Variants in LAMA4 observed in about 807,000 individuals in gnomAD.
LAMA4 encodes laminin subunit alpha 4, also known as laminin subunit alpha-4.
LAMA4 carries 127 observed loss-of-function variants against 207.1 expected under a neutral mutation model. The ratio of observed to expected loss-of-function variants is 0.61; its 90% CI spans 0.53 to 0.71. LAMA4 has a LOEUF of 0.71. Ranked by LOEUF, LAMA4 falls within the 30% of genes least tolerant of loss-of-function variation. The pLI is 0.00. For missense variants in LAMA4, 2,093 were observed against 2,246.5 expected, an observed-to-expected ratio of 0.93 and a Z score of 1.38; for synonymous variants, 761 against 816.0, an observed-to-expected ratio of 0.93 and a Z score of 1.15.
intron 5 of LAMA4, among the ~76,000 whole-genome samples, chr6:112,199,770 C>CTTT (rs11377610): frequency 0.023 from 3,392 of 147,146 alleles, 139 homozygotes; most frequent in African/African-American, 0.08. Flanking sequence ...GATACTGTGG[C>CTTT]TTTTTTTTTT....
chr6:112,217,646 TTAAAAC>T (rs1396238224), intron 2 of LAMA4: 1 of 152,168 alleles, frequency 6.6e-6, no homozygotes, highest in Non-Finnish European at 1.5e-5. Flanking sequence ...AGTTCACACT[TTAAAAC>T]TAAAATTTAA....
At chr6:112,121,623 G>A (rs1778362814) in intron 32 of LAMA4, among the ~76,000 whole-genome samples, 2 of 152,186 alleles carry the variant, frequency 1.3e-5, no homozygotes, top group South Asian at 4.1e-4. Context: ...TATTTTCAAT[G>A]CCTTTCCTTA....
intron 16 of LAMA4, among the ~76,000 whole-genome samples, chr6:112,152,681 T>C (rs1459541834): frequency 6.6e-6 from 1 of 152,070 alleles, no homozygotes; most frequent in Non-Finnish European, 1.5e-5. Flanking sequence ...TTAGGTAGTC[T>C]TGATGTGATT....
chr6:112,224,110 C>G (rs782467136), intron 2 of LAMA4, among the ~76,000 whole-genome samples: 4 of 152,178 alleles, frequency 2.6e-5, no homozygotes, highest in Admixed American at 6.5e-5. Flanking sequence ...TCTCACATAC[C>G]ATGCACTTTC....
chr6:112,184,110 G>A (rs1562705574), intron 9 of LAMA4, among the ~76,000 whole-genome samples: 1 of 152,036 alleles, frequency 6.6e-6, no homozygotes. Context: ...AGCACTAGTG[G>A]TTGGATTAAT....
intron 2 of LAMA4, among the ~76,000 whole-genome samples, chr6:112,232,822 G>A (rs1785649670): frequency 6.6e-6 from 1 of 152,190 alleles, no homozygotes; most frequent in African/African-American, 2.4e-5. Flanking sequence ...AATGAATGGG[G>A]AAGGCTGAGA....
At chr6:112,175,751 C>T (rs1649210413) in intron 10 of LAMA4, among the ~76,000 whole-genome samples, 1 of 152,222 alleles carries the variant, frequency 6.6e-6, no homozygotes, top group Admixed American at 6.5e-5. Flanking sequence ...AATGCAAAGC[C>T]TGCTCTGCTC....
chr6:112,164,841 C>T (rs536217586), intron 13 of LAMA4, among the ~76,000 whole-genome samples: 4 of 152,264 alleles, frequency 2.6e-5, no homozygotes, highest in East Asian at 1.9e-4. Context: ...TATTCAGTGG[C>T]GCAATGCCTG....
At chr6:112,231,450 C>T (rs1430380485) in intron 2 of LAMA4, among the ~76,000 whole-genome samples, 5 of 152,188 alleles carry the variant, frequency 3.3e-5, no homozygotes, top group African/African-American at 1.2e-4. Context: ...AATTTAAATA[C>T]AATAATTTAT....
intron 12 of LAMA4, among the ~76,000 whole-genome samples, chr6:112,169,924 C>T (rs1781615183): frequency 6.6e-6 from 1 of 152,264 alleles, no homozygotes. Flanking sequence ...CACACCCTGA[C>T]ATTTACCAAC....
intron 2 of LAMA4, chr6:112,236,075 G>A (rs1447222332): frequency 1.3e-5 from 2 of 152,152 alleles, no homozygotes; most frequent in African/African-American, 2.4e-5. Flanking sequence ...CCGTGACGGC[G>A]TCCCTGCTCT....
chr6:112,144,412 T>C (rs1029612909), intron 19 of LAMA4, among the ~76,000 whole-genome samples: 1 of 152,248 alleles, frequency 6.6e-6, no homozygotes, highest in Non-Finnish European at 1.5e-5. Context: ...CTAAAGCAGC[T>C]GTTAAAATAA....
At chr6:112,111,259 G>GT (rs1177524351) in intron 38 of LAMA4, among the ~76,000 whole-genome samples, 1 of 152,080 alleles carries the variant, frequency 6.6e-6, no homozygotes. Flanking sequence ...GGCCAGGCTG[G>GT]TTTCCACCTC....
At chr6:112,226,156 A>G (rs1785198773) in intron 2 of LAMA4, among the ~76,000 whole-genome samples, 1 of 152,038 alleles carries the variant, frequency 6.6e-6, no homozygotes, top group African/African-American at 2.4e-5. Context: ...TCTCTCCATC[A>G]CCAGAAGTTC....
intron 7 of LAMA4, 103 bp from the exon 8 acceptor site, chr6:112,187,704 T>C: frequency 8.7e-7 from 1 of 1,154,144 alleles, no homozygotes; most frequent in Non-Finnish European, 1.3e-6. Context: ...ATACCATTTT[T>C]ATTTTTGTCT....
chr6:112,214,214 T>G (rs973872082), intron 3 of LAMA4: 5 of 396,266 alleles, frequency 1.3e-5, no homozygotes, highest in Admixed American at 4.3e-5. Context: ...TCACTTACAT[T>G]TAATTAAATA....
chr6:112,201,575 C>T (rs782051686), intron 5 of LAMA4, 33 bp downstream of exon 5: 2 of 1,554,206 alleles, frequency 1.3e-6, no homozygotes, highest in African/African-American at 2.7e-5. Context: ...TTCCTTTGAC[C>T]CACACAGAAA....
intron 21 of LAMA4, 143 bp from the exon 22 acceptor site, chr6:112,141,065 G>A (rs1554333071): frequency 6.7e-6 from 5 of 748,750 alleles, no homozygotes; most frequent in Non-Finnish European, 2.3e-6. Flanking sequence ...CAATCAATGA[G>A]AAAGAGAAGA....
intron 2 of LAMA4, among the ~76,000 whole-genome samples, chr6:112,221,730 T>A (rs556497656): frequency 6.6e-6 from 1 of 152,274 alleles, no homozygotes; most frequent in African/African-American, 2.4e-5. Context: ...TGCCCTTACT[T>A]AAGAGTCTGT....
Sources: gnomAD v4.1 joint callset for allele counts (sites outside exome capture counted in the v4.1 genomes callset) on GRCh38, gnomAD v4.1.1 for gene constraint, MANE v1.5 for transcripts, NCBI Gene and HGNC (gene_info 2026-07-23, HGNC 2026-07-21) for gene names.